SNRPE: variants seen among roughly 807,000 people sequenced by gnomAD.
SNRPE encodes the protein small nuclear ribonucleoprotein E.
For missense variants in SNRPE, 53 were observed against 111.6 expected, an observed-to-expected ratio of 0.48 and a Z score of 2.36; for synonymous variants, 35 against 36.7, an observed-to-expected ratio of 0.95 and a Z score of 0.17.
chr1:203,868,382 T>G (rs1690137101), intron 4 of SNRPE, among the ~76,000 whole-genome samples: 1 of 152,204 alleles, frequency 6.6e-6, no homozygotes, highest in Non-Finnish European at 1.5e-5. Context: ...ACCCAGTTAA[T>G]GAATGGTCTT....
At chr1:203,866,603 T>A (rs11590770) in intron 4 of SNRPE, among the ~76,000 whole-genome samples, 30,189 of 152,156 alleles carry the variant, frequency 0.2, 3,159 homozygotes, top group Middle Eastern at 0.26. Context: ...TCCTGCCTTA[T>A]TGAATGGCAC....
Position 203,863,355 on chromosome 1 carries a change from G to A in SNRPE, c.82-308G>A, listed in dbSNP as rs1572402787. On this transcript the variant is annotated intron_variant, in intron 2 of 4. Transcript: ENST00000414487. ...CTTTTTTTTGAGACGGAGTCTCACTGTGCCCAGGCTGGAGTGCAGTGGCGC... is the reference window on the plus strand; with the variant it reads ...CTTTTTTTTGAGACGGAGTCTCACTATGCCCAGGCTGGAGTGCAGTGGCGC... Among the ~76,000 whole-genome samples the A allele has an allele frequency of 2.0e-5, 3 of 152,134 alleles. No individual in the cohort carries two copies. In the South Asian group the frequency reaches 6.2e-4, roughly 32 times the overall value.
intron 3 of SNRPE, among the ~76,000 whole-genome samples, chr1:203,864,118 C>T (rs1164864522): frequency 6.6e-6 from 1 of 151,958 alleles, no homozygotes; most frequent in Non-Finnish European, 1.5e-5. Flanking sequence ...TCACAGCCTG[C>T]TAAATTTTTA....
intron 4 of SNRPE, among the ~76,000 whole-genome samples, chr1:203,868,349 C>G (rs1456561052): frequency 5.9e-5 from 9 of 152,158 alleles, no homozygotes; most frequent in Admixed American, 3.9e-4. Flanking sequence ...GCCACTAAGC[C>G]TGGCAATGAA....
intron 4 of SNRPE, among the ~76,000 whole-genome samples, chr1:203,868,380 A>T (rs1690136821): frequency 6.6e-6 from 1 of 152,148 alleles, no homozygotes; most frequent in Non-Finnish European, 1.5e-5. Context: ...TAACCCAGTT[A>T]ATGAATGGTC....
chr1:203,864,982 C>T (rs1690059330), intron 3 of SNRPE, 59 bp from the exon 4 acceptor site: 1 of 1,535,974 alleles, frequency 6.5e-7, no homozygotes, highest in Non-Finnish European at 8.8e-7. Flanking sequence ...TAGGTATACT[C>T]ATTTAAAATG....
Position 203,867,199 on chromosome 1 carries a change from G to A in SNRPE, c.223+2080G>A, listed in dbSNP as rs555697257. ...GGAGGCTGAGGCAGGAGAATGGCGCGAACCTGGGAGGCGGAGCTTGCAGTG... is the reference window on the plus strand; with the variant it reads ...GGAGGCTGAGGCAGGAGAATGGCGCAAACCTGGGAGGCGGAGCTTGCAGTG... On this transcript the variant is annotated intron_variant, in intron 4 of 4. Transcript: ENST00000414487. Among the ~76,000 whole-genome samples, 241 of 151,214 alleles carry A rather than the reference G, an allele frequency of 1.6e-3. 2 individuals carry two copies. The highest frequency in any genetic ancestry group is 3.0e-3 in the Admixed American group (46 of 15,174).
chr1:203,870,110 A>G lies in SNRPE; in HGVS notation c.*178A>G. ...TTTACATTGCTTCTTACTATTCAGC[A>G]GTAGAAACTTTTTACACAGTAACAC... is the stretch of plus-strand genomic sequence containing the variant. On this transcript the variant is annotated 3_prime_UTR_variant, in exon 5 of 5. Transcript: ENST00000414487. 2.0e-6 allele frequency: 1 copy of G among 501,426 alleles called. No individual in the cohort carries two copies. Among genetic ancestry groups the G allele is most frequent in the Middle Eastern group, 5.3e-4 (1 of 1,886 alleles). 31.1% of individuals were successfully genotyped at this position (501,426 alleles called of 1,614,324 possible).
In SNRPE at chr1:203,861,832, G is replaced by A. The variant is rs534703559; in HGVS notation, c.54+119G>A. 2.6e-4 allele frequency: 215 copies of A among 818,368 alleles called. 1 individual carries two copies. Among genetic ancestry groups the A allele is most frequent in the Non-Finnish European group, 4.3e-4 (202 of 467,210 alleles). The allele number at this position is 818,368 out of a possible 1,614,324, so 50.7% of individuals were successfully genotyped here. ...GGATCCACATCCCATGAGCCCCCGGGGCTACCAAGACTGGAAGAAAGCGCG... is the reference window on the plus strand; with the variant it reads ...GGATCCACATCCCATGAGCCCCCGGAGCTACCAAGACTGGAAGAAAGCGCG... On this transcript the variant is annotated intron_variant, in intron 1 of 4. Transcript: ENST00000414487.
rs1690194014 is a variant in SNRPE at position 203,870,535 on chromosome 1, A to C, written c.*603A>C. The C allele has an allele frequency of 6.6e-6, 1 of 152,180 alleles. No individual in the cohort carries two copies. Among genetic ancestry groups the C allele is most frequent in the African/African-American group, 2.4e-5 (1 of 41,444 alleles). The allele number at this position is 152,180 out of a possible 1,614,324, so 9.4% of individuals were successfully genotyped here. On this transcript the variant is annotated 3_prime_UTR_variant, in exon 5 of 5. Transcript: ENST00000414487. ...TCAAGTACATTAAAAATCAGTTAAGAGTTTACAGGAAAGAGACTGAGATTG... is the reference window on the plus strand; with the variant it reads ...TCAAGTACATTAAAAATCAGTTAAGCGTTTACAGGAAAGAGACTGAGATTG...
At position 203,870,042 on chromosome 1, in the gene SNRPE, A is replaced by G. The variant is rs1690183271; in HGVS notation, c.*110A>G. ...TTGTTTTGATTACCCTCGTGTTACTACAAGATGGCAATAAATACTATGGGA... is the reference window on the plus strand; with the variant it reads ...TTGTTTTGATTACCCTCGTGTTACTGCAAGATGGCAATAAATACTATGGGA... On this transcript the variant is annotated 3_prime_UTR_variant, in exon 5 of 5. Transcript: ENST00000414487. The G allele has an allele frequency of 3.2e-6, 2 of 629,690 alleles. No homozygotes were observed. Among genetic ancestry groups the G allele is most frequent in the South Asian group, 2.2e-5 (1 of 45,676 alleles). The allele number at this position is 629,690 out of a possible 1,614,324, so 39.0% of individuals were successfully genotyped here. A position where few individuals can be genotyped will look rare whatever the true frequency, so the allele number is the denominator to read the frequency against.
chr1:203,865,173 A>G, intron 4 of SNRPE, 54 bp downstream of exon 4: 8 of 1,481,234 alleles, frequency 5.4e-6, no homozygotes, highest in Non-Finnish European at 6.5e-6. Context: ...TCACTTGCAG[A>G]ATTCAGTGAC....
chr1:203,865,226 G>A lies in SNRPE; in HGVS notation c.223+107G>A. On this transcript the variant is annotated intron_variant, in intron 4 of 4. Transcript: ENST00000414487. ...TTTGAATTTATTTTGCATTTGAGAAGTTATTATTCAGAGTAGTAGTACACT... is the reference window on the plus strand; with the variant it reads ...TTTGAATTTATTTTGCATTTGAGAAATTATTATTCAGAGTAGTAGTACACT... 5 of 1,037,610 alleles carry A rather than the reference G, an allele frequency of 4.8e-6. No homozygotes were observed. The South Asian group carries it at 7.1e-5, about 15-fold the overall frequency. The allele number at this position is 1,037,610 out of a possible 1,614,324, so 64.3% of individuals were successfully genotyped here.
At chr1:203,865,779 G>A (rs192915923) in intron 4 of SNRPE, among the ~76,000 whole-genome samples, 21 of 152,244 alleles carry the variant, frequency 1.4e-4, no homozygotes, top group Admixed American at 3.3e-4. Flanking sequence ...TGACCCCTCC[G>A]TTGGTTTGAT....
Position 203,861,630 on chromosome 1 carries a change from G to C in SNRPE, c.-30G>C. ...TCCGGAAGTTGCTCTCAGAGGCAGCGTGCGGGTGTGCTCTTTGTGAAATTC... is the reference window on the plus strand; with the variant it reads ...TCCGGAAGTTGCTCTCAGAGGCAGCCTGCGGGTGTGCTCTTTGTGAAATTC... On this transcript the variant is annotated 5_prime_UTR_variant, in exon 1 of 5. Coordinates refer to ENST00000414487, the MANE Select transcript of SNRPE (RefSeq NM_003094.4). The C allele has an allele frequency of 1.9e-6, 3 of 1,595,058 alleles. No individual in the cohort carries two copies. Among genetic ancestry groups the C allele is most frequent in the South Asian group, 1.1e-5 (1 of 90,690 alleles).
At chr1:203,867,414 C>A (rs1690115125) in intron 4 of SNRPE, among the ~76,000 whole-genome samples, 1 of 152,028 alleles carries the variant, frequency 6.6e-6, no homozygotes, top group Non-Finnish European at 1.5e-5. Context: ...TTATAGTGCA[C>A]TTTATTATTA....
rs2298871 is a variant in SNRPE at position 203,870,373 on chromosome 1, A to C, written c.*441A>C. 282 of 155,862 alleles carry C rather than the reference A, an allele frequency of 1.8e-3. 9 individuals carry two copies. In the East Asian group the frequency reaches 0.045, roughly 25 times the overall value. 9.7% of individuals were successfully genotyped at this position (155,862 alleles called of 1,614,324 possible). A position where few individuals can be genotyped will look rare whatever the true frequency, so the allele number is the denominator to read the frequency against. On this transcript the variant is annotated 3_prime_UTR_variant, in exon 5 of 5. Coordinates refer to ENST00000414487, the MANE Select transcript of SNRPE (RefSeq NM_003094.4). ...CTGGAATACCAGAGTTTCTAACCTA[A>C]ATATGTTGGGTACATTATTTAATGG...
intron 2 of SNRPE, among the ~76,000 whole-genome samples, chr1:203,863,203 C>T (rs1244826931): frequency 2.0e-5 from 2 of 101,700 alleles, no homozygotes; most frequent in African/African-American, 8.4e-5. Context: ...GGGCGGGGGG[C>T]GGGGAGATCT....
chr1:203,867,209 G>A lies in SNRPE; in HGVS notation c.223+2090G>A, dbSNP rs189632473. On this transcript the variant is annotated intron_variant, in intron 4 of 4. Coordinates refer to ENST00000414487, the MANE Select transcript of SNRPE (RefSeq NM_003094.4). ...GCAGGAGAATGGCGCGAACCTGGGA[G>A]GCGGAGCTTGCAGTGAGCTGAGATC... is the stretch of plus-strand genomic sequence containing the variant. 8.4e-4 allele frequency among the ~76,000 whole-genome samples: 128 copies of A among 151,632 alleles called. 3 individuals are homozygous for A. In the East Asian group the frequency reaches 0.02, roughly 24 times the overall value.
Sources: gnomAD v4.1 joint callset for allele counts (sites outside exome capture counted in the v4.1 genomes callset) on GRCh38, gnomAD v4.1.1 for gene constraint, MANE v1.5 for transcripts, NCBI Gene and HGNC (gene_info 2026-07-23, HGNC 2026-07-21) for gene names.